The following MYL11 variants were observed in gnomAD, a reference collection of about 807,000 sequenced individuals.
MYL11 encodes the protein myosin light chain 11.
chr16:30,373,528 G>A, the MYL11 span, among the ~76,000 whole-genome samples: 11 of 151,880 alleles, frequency 7.2e-5, no homozygotes, highest in Middle Eastern at 3.4e-3. Context: ...CCCGGGAGGC[G>A]GAGGTTACAG....
At chr16:30,376,159 C>G in the MYL11 span, 7 of 1,613,930 alleles carry the variant, frequency 4.3e-6, no homozygotes, top group South Asian at 4.4e-5. Flanking sequence ...TCACTGTGAT[C>G]GACCAGAACC....
the MYL11 span, among the ~76,000 whole-genome samples, chr16:30,373,369 G>T: frequency 6.6e-6 from 1 of 152,120 alleles, no homozygotes; most frequent in Non-Finnish European, 1.5e-5. Context: ...GCCGAGGCAG[G>T]CAGATCACAA....
the MYL11 span, chr16:30,375,962 T>G: frequency 1.3e-6 from 2 of 1,585,974 alleles, no homozygotes; most frequent in South Asian, 2.2e-5. Context: ...GCAGCCCTGC[T>G]GGCCCTCTCC....
the MYL11 span, among the ~76,000 whole-genome samples, chr16:30,374,404 C>T: frequency 2.6e-5 from 4 of 152,092 alleles, no homozygotes; most frequent in South Asian, 2.1e-4. Flanking sequence ...GCCTCAGCTT[C>T]CCAAAGTGCT....
chr16:30,376,793 C>A, the MYL11 span: 1 of 1,287,552 alleles, frequency 7.8e-7, no homozygotes, highest in Non-Finnish European at 1.1e-6. Flanking sequence ...AAGGCTGGGC[C>A]CTGTGGCTCA....
At chr16:30,377,775 C>G in the MYL11 span, 2 of 1,612,388 alleles carry the variant, frequency 1.2e-6, no homozygotes, top group African/African-American at 1.3e-5. Flanking sequence ...CTGTGCGAGA[C>G]GCCCCTACGT....
chr16:30,376,491 A>G, the MYL11 span: 1 of 1,613,830 alleles, frequency 6.2e-7, no homozygotes, highest in African/African-American at 1.3e-5. Context: ...CATCAACTTC[A>G]CCGTCTTCCT....
the MYL11 span, among the ~76,000 whole-genome samples, chr16:30,374,326 A>AG: frequency 9.6e-3 from 1,451 of 151,732 alleles, 29 homozygotes; most frequent in African/African-American, 0.034. Context: ...AAAAAAAAAA[A>AG]AGGGAGACAG....
chr16:30,374,348 T>G, the MYL11 span, among the ~76,000 whole-genome samples: 2 of 150,936 alleles, frequency 1.3e-5, no homozygotes. Context: ...GGTCTCACTA[T>G]GTTGCCCAGG....
the MYL11 span, chr16:30,372,276 G>A: frequency 1.3e-5 from 2 of 152,724 alleles, no homozygotes; most frequent in Non-Finnish European, 2.9e-5. Flanking sequence ...AAGGGCAGCT[G>A]CTAAGTTTAG....
At chr16:30,377,533 AAGGAAGTAG>A in the MYL11 span, 2 of 1,040,220 alleles carry the variant, frequency 1.9e-6, no homozygotes, top group Admixed American at 3.3e-5. Flanking sequence ...GAGGCCAATG[AAGGAAGTAG>A]AGTGACCTGG....
chr16:30,371,621 T>TA, the MYL11 span, among the ~76,000 whole-genome samples: 1 of 152,062 alleles, frequency 6.6e-6, no homozygotes, highest in Non-Finnish European at 1.5e-5. Context: ...TCAGACCTTA[T>TA]CCCTCTGAGT....
the MYL11 span, chr16:30,377,746 G>A: frequency 1.3e-6 from 2 of 1,593,470 alleles, no homozygotes; most frequent in Non-Finnish European, 1.7e-6. Context: ...AAGGGGCTGG[G>A]GCCGGGGAGA....
the MYL11 span, chr16:30,373,146 T>TA: frequency 6.6e-6 from 1 of 152,208 alleles, no homozygotes; most frequent in African/African-American, 2.4e-5. Flanking sequence ...ACAAAGCATC[T>TA]TGCCTCAAAA....
the MYL11 span, chr16:30,376,786 G>A: frequency 1.1e-5 from 15 of 1,350,504 alleles, no homozygotes; most frequent in African/African-American, 1.4e-5. Flanking sequence ...TTCTACCAAG[G>A]CTGGGCCCTG....
At chr16:30,374,007 T>G in the MYL11 span, among the ~76,000 whole-genome samples, 3 of 151,914 alleles carry the variant, frequency 2.0e-5, no homozygotes, top group Non-Finnish European at 4.4e-5. Context: ...TGGGTTTATT[T>G]TATTAATTTA....
the MYL11 span, among the ~76,000 whole-genome samples, chr16:30,373,187 G>A: frequency 6.6e-6 from 1 of 152,220 alleles, no homozygotes; most frequent in East Asian, 1.9e-4. Context: ...GGTGGCTCAT[G>A]CCTGTAATCC....
the MYL11 span, chr16:30,377,600 G>A: frequency 7.0e-5 from 99 of 1,421,790 alleles, 1 homozygote; most frequent in Middle Eastern, 5.6e-4. Context: ...GTGCGAGGGA[G>A]TGGAAAGGAA....
the MYL11 span, chr16:30,377,785 T>A: frequency 6.2e-7 from 1 of 1,613,836 alleles, no homozygotes; most frequent in East Asian, 2.2e-5. Flanking sequence ...CGCCCCTACG[T>A]CTTTCCCCAG....
Sources: gnomAD v4.1 joint callset for allele counts (sites outside exome capture counted in the v4.1 genomes callset) on GRCh38, gnomAD v4.1.1 for gene constraint, MANE v1.5 for transcripts, NCBI Gene and HGNC (gene_info 2026-07-23, HGNC 2026-07-21) for gene names.